The following CAPN7 variants were observed in gnomAD, a reference collection of about 807,000 sequenced individuals.
CAPN7 encodes the protein calpain 7, also known as calpain-7.
CAPN7 carries 72 observed loss-of-function variants against 115.2 expected under a neutral mutation model. The observed-to-expected ratio is 0.63, with a 90% CI of 0.52 to 0.76. The LOEUF (loss-of-function observed/expected upper bound fraction) is 0.76, where lower values mean the gene tolerates loss of function less well. CAPN7 is among the 30% of genes least tolerant of loss of function. The pLI is 0.00. For synonymous variants in CAPN7, 344 were observed against 322.3 expected, an observed-to-expected ratio of 1.07 and a Z score of -0.72; for missense variants, 905 against 971.5, an observed-to-expected ratio of 0.93 and a Z score of 0.91.
Position 15,251,273 on chromosome 3 carries a change from AAGTTACTGGCTTTT to A in CAPN7, c.*15_*28del. On this transcript the variant is annotated 3_prime_UTR_variant, in exon 21 of 21. Transcript: ENST00000253693. ...ACAACTTCAGTGATGGAGAAATCTC[AAGTTACTGGCTTTT>A]ATACTTACCAAACATCAGTTCTTCA... is the stretch of plus-strand genomic sequence containing the variant. 6.4e-7 allele frequency: 1 copy of A among 1,553,184 alleles called. No homozygotes were observed. The highest frequency in any genetic ancestry group is 8.7e-7 in the Non-Finnish European group (1 of 1,147,138).
At chr3:15,207,555 ACT>A (rs1223544120) in intron 1 of CAPN7, among the ~76,000 whole-genome samples, 2 of 151,888 alleles carry the variant, frequency 1.3e-5, no homozygotes, top group Non-Finnish European at 2.9e-5. Context: ...TAACTTTTTA[ACT>A]CTTTTGTAAT....
rs765788642 is a variant in CAPN7, at chr3:15,223,579, C to A, written c.725+18C>A. The A allele has an allele frequency of 2.0e-5, 28 of 1,387,326 alleles. No individual in the cohort carries two copies. In the African/African-American group the frequency reaches 3.5e-4, roughly 17 times the overall value. 85.9% of individuals were successfully genotyped at this position (1,387,326 alleles called of 1,614,324 possible). A position where few individuals can be genotyped will look rare whatever the true frequency, so the allele number is the denominator to read the frequency against. ...CCTTTCTGGTAAGTAAGCACTGTTGCAATTTTTAACTCCAATATTTTAACT... is the reference window on the plus strand; with the variant it reads ...CCTTTCTGGTAAGTAAGCACTGTTGAAATTTTTAACTCCAATATTTTAACT... On this transcript the variant is annotated intron_variant, in intron 6 of 20. Transcript: ENST00000253693.
chr3:15,249,339 G>GC (rs1374350708), intron 19 of CAPN7, among the ~76,000 whole-genome samples: 1 of 151,868 alleles, frequency 6.6e-6, no homozygotes, highest in Non-Finnish European at 1.5e-5. Context: ...TTAATTATAA[G>GC]CATGAAAAAG....
At chr3:15,219,675 A>G (rs144276463) in intron 4 of CAPN7, among the ~76,000 whole-genome samples, 1 of 152,226 alleles carries the variant, frequency 6.6e-6, no homozygotes, top group Non-Finnish European at 1.5e-5. Context: ...GAAAATGTAC[A>G]TGAAATTTTT....
chr3:15,246,840 T>G (rs1695693137), intron 18 of CAPN7, 46 bp downstream of exon 18: 2 of 1,343,100 alleles, frequency 1.5e-6, no homozygotes, highest in Admixed American at 1.9e-5. Context: ...TTTTAGAATT[T>G]TTAAATTCCC....
chr3:15,223,055 CTTCCACTACCCAT>C (rs1221920938), intron 5 of CAPN7, among the ~76,000 whole-genome samples: 1 of 152,224 alleles, frequency 6.6e-6, no homozygotes, highest in Non-Finnish European at 1.5e-5. Context: ...ACACTTCCTT[CTTCCACTACCCAT>C]TTCATGTCCT....
intron 2 of CAPN7, among the ~76,000 whole-genome samples, chr3:15,213,326 CTATG>C (rs1273915323): frequency 1.3e-5 from 2 of 152,166 alleles, no homozygotes; most frequent in East Asian, 3.8e-4. Flanking sequence ...ATTTCAATAA[CTATG>C]TATTGAATAC....
At chr3:15,218,639 C>T (rs1693783179) in intron 4 of CAPN7, 99 bp downstream of exon 4, 2 of 804,530 alleles carry the variant, frequency 2.5e-6, no homozygotes, top group African/African-American at 3.4e-5. Flanking sequence ...AACAAACCTC[C>T]ATCTTTTAAC....
intron 1 of CAPN7, among the ~76,000 whole-genome samples, chr3:15,207,616 CTTTA>C (rs2044702681): frequency 6.6e-6 from 1 of 150,646 alleles, no homozygotes; most frequent in Non-Finnish European, 1.5e-5. Context: ...TTCTTTATAT[CTTTA>C]TTTGGTAAGT....
intron 19 of CAPN7, among the ~76,000 whole-genome samples, chr3:15,250,025 A>G (rs1695909725): frequency 6.6e-6 from 1 of 150,764 alleles, no homozygotes; most frequent in Admixed American, 6.6e-5. Context: ...TGCCTCCCAA[A>G]GTGCTGGGAT....
chr3:15,245,714 A>T, intron 17 of CAPN7, 43 bp downstream of exon 17: 3 of 1,562,936 alleles, frequency 1.9e-6, no homozygotes, highest in Non-Finnish European at 2.6e-6. Flanking sequence ...AGTAATATAA[A>T]GTATGTAATA....
chr3:15,207,641 CT>C (rs1189037417), intron 1 of CAPN7, among the ~76,000 whole-genome samples: 370 of 142,210 alleles, frequency 2.6e-3, no homozygotes, highest in Middle Eastern at 3.6e-3. Context: ...TTTTTTGTTT[CT>C]TTTTTTTTTT....
intron 11 of CAPN7, among the ~76,000 whole-genome samples, chr3:15,234,784 G>A (rs548668346): frequency 2.6e-5 from 4 of 152,164 alleles, no homozygotes; most frequent in East Asian, 1.9e-4. Context: ...GAAATTTAGC[G>A]TTTGTTTTCC....
intron 12 of CAPN7, among the ~76,000 whole-genome samples, chr3:15,235,522 G>A (rs749147861): frequency 2.2e-4 from 33 of 151,344 alleles, no homozygotes; most frequent in African/African-American, 7.8e-4. Flanking sequence ...TCAGGGATCC[G>A]TTTTGTGGAA....
At chr3:15,224,241 A>G (rs1321396946) in intron 6 of CAPN7, among the ~76,000 whole-genome samples, 1 of 151,920 alleles carries the variant, frequency 6.6e-6, no homozygotes, top group Non-Finnish European at 1.5e-5. Context: ...TACAGAAATC[A>G]AAAAGAAAAT....
intron 19 of CAPN7, 129 bp downstream of exon 19, chr3:15,247,586 G>A (rs1344113079): frequency 4.9e-6 from 3 of 611,038 alleles, no homozygotes; most frequent in Non-Finnish European, 8.0e-6. Context: ...TTATAGTGGA[G>A]TGAGGAAAGG....
At chr3:15,223,858 A>G (rs542904622) in intron 6 of CAPN7, among the ~76,000 whole-genome samples, 2 of 152,364 alleles carry the variant, frequency 1.3e-5, no homozygotes, top group East Asian at 3.9e-4. Flanking sequence ...CACAACAGAA[A>G]TTCTAACACA....
intron 19 of CAPN7, among the ~76,000 whole-genome samples, chr3:15,249,153 T>C (rs1280184480): frequency 6.6e-6 from 1 of 152,148 alleles, no homozygotes; most frequent in Non-Finnish European, 1.5e-5. Flanking sequence ...GATTAAACTA[T>C]TTTTCCACAA....
chr3:15,217,246 TAA>T (rs557524108), intron 2 of CAPN7, among the ~76,000 whole-genome samples, 177 bp from the exon 3 acceptor site: 5 of 139,982 alleles, frequency 3.6e-5, no homozygotes, highest in South Asian at 2.3e-4. Context: ...AGAGCCTGTC[TAA>T]AAAAAAAAAA....
Sources: allele counts gnomAD v4.1 joint callset (sites outside exome capture counted in the v4.1 genomes callset), GRCh38; gene constraint gnomAD v4.1.1; transcripts MANE v1.5; gene names NCBI Gene and HGNC (gene_info 2026-07-23, HGNC 2026-07-21).